UGGT2: variants seen among roughly 807,000 people sequenced by gnomAD.
UGGT2 encodes the protein UDP-glucose:glycoprotein glucosyltransferase 2.
In UGGT2, 180 loss-of-function variants were observed where a neutral mutation model predicts 192.1. The observed-to-expected ratio is 0.94, with a 90% CI of 0.83 to 1.06. The LOEUF (loss-of-function observed/expected upper bound fraction) is 1.06, where lower values mean the gene tolerates loss of function less well. Ranked by LOEUF, UGGT2 falls within the 50% of genes least tolerant of loss-of-function variation. The pLI, the probability that UGGT2 is intolerant of heterozygous loss-of-function variation, is 0.00. For synonymous variants in UGGT2, 580 were observed against 591.0 expected, an observed-to-expected ratio of 0.98 and a Z score of 0.27; for missense variants, 1,849 against 1,795.7, an observed-to-expected ratio of 1.03 and a Z score of -0.54.
chr13:96,051,055 C>G (rs1427404803), intron 1 of UGGT2, among the ~76,000 whole-genome samples: 1 of 152,142 alleles, frequency 6.6e-6, no homozygotes, highest in South Asian at 2.1e-4. Flanking sequence ...CGGCACTATT[C>G]ACAATAGCAA....
At chr13:95,804,290 T>A (rs1223108549) in intron 38 of UGGT2, among the ~76,000 whole-genome samples, 1 of 151,960 alleles carries the variant, frequency 6.6e-6, no homozygotes, top group Admixed American at 6.6e-5. Flanking sequence ...TAACAAAAAA[T>A]TGCTGAGAGA....
chr13:96,019,250 T>C (rs2052443094), intron 4 of UGGT2, among the ~76,000 whole-genome samples: 1 of 151,940 alleles, frequency 6.6e-6, no homozygotes, highest in South Asian at 2.1e-4. Flanking sequence ...GTCAAAGAGC[T>C]TGATTACTTG....
At chr13:95,913,265 C>G (rs965632123) in intron 20 of UGGT2, among the ~76,000 whole-genome samples, 4 of 152,050 alleles carry the variant, frequency 2.6e-5, no homozygotes, top group Non-Finnish European at 4.4e-5. Context: ...AAGAGCTTCT[C>G]CACAGCAAAA....
intron 11 of UGGT2, among the ~76,000 whole-genome samples, chr13:95,971,556 A>G (rs1056370195): frequency 8.5e-5 from 13 of 152,148 alleles, no homozygotes; most frequent in African/African-American, 3.1e-4. Flanking sequence ...TGCCATAAAA[A>G]TTTCCTCATA....
intron 27 of UGGT2, among the ~76,000 whole-genome samples, chr13:95,881,073 C>T (rs1429471666): frequency 6.6e-6 from 1 of 152,092 alleles, no homozygotes; most frequent in East Asian, 1.9e-4. Flanking sequence ...ACTCGGGGGG[C>T]TGGGACAGGA....
At chr13:95,830,723 T>G (rs1440771797) in intron 38 of UGGT2, among the ~76,000 whole-genome samples, 1 of 152,190 alleles carries the variant, frequency 6.6e-6, no homozygotes, top group Non-Finnish European at 1.5e-5. Flanking sequence ...AGTGTGGCGA[T>G]TCCTCAAGGA....
rs779580712 is a variant in UGGT2, at chr13:96,053,364, G to A, written c.-52C>T. 1.4e-5 allele frequency: 22 copies of A among 1,547,334 alleles called. 1 individual carries two copies. In the South Asian group the frequency reaches 2.0e-4, roughly 14 times the overall value. ...TCGGACCCGGTACCCACAGTCTGTGGCCGCCACGCTTCGGCCGGCTCTTCC... is the reference window on the plus strand; with the variant it reads ...TCGGACCCGGTACCCACAGTCTGTGACCGCCACGCTTCGGCCGGCTCTTCC... On this transcript the variant is annotated 5_prime_UTR_variant, in exon 1 of 39. Coordinates refer to ENST00000376747, the MANE Select transcript of UGGT2 (RefSeq NM_020121.4).
intron 1 of UGGT2, among the ~76,000 whole-genome samples, chr13:96,046,951 A>G (rs1263720360): frequency 6.6e-6 from 1 of 152,208 alleles, no homozygotes. Context: ...AGGTTTGAGT[A>G]GGTAAACAAA....
intron 5 of UGGT2, among the ~76,000 whole-genome samples, chr13:96,005,439 T>C (rs1439116439): frequency 4.6e-5 from 7 of 152,202 alleles, no homozygotes; most frequent in Non-Finnish European, 8.8e-5. Flanking sequence ...GCTTCCACTC[T>C]AATGGTGACA....
At chr13:95,830,826 C>G (rs1399097705) in intron 38 of UGGT2, among the ~76,000 whole-genome samples, 1 of 152,186 alleles carries the variant, frequency 6.6e-6, no homozygotes, top group Non-Finnish European at 1.5e-5. Context: ...GACACATGCA[C>G]ACATATGTTT....
intron 29 of UGGT2, among the ~76,000 whole-genome samples, chr13:95,870,250 T>C (rs1594195030): frequency 1.3e-5 from 2 of 152,156 alleles, no homozygotes; most frequent in African/African-American, 4.8e-5. Context: ...GCAGGCAACA[T>C]CCCACCTTTA....
At chr13:95,992,458 T>C (rs995328442) in intron 7 of UGGT2, among the ~76,000 whole-genome samples, 3 of 152,192 alleles carry the variant, frequency 2.0e-5, no homozygotes, top group East Asian at 1.9e-4. Flanking sequence ...CTATTGTAAA[T>C]GGGATTGCCT....
At chr13:95,911,183 G>T (rs1323805329) in intron 20 of UGGT2, among the ~76,000 whole-genome samples, 1 of 152,064 alleles carries the variant, frequency 6.6e-6, no homozygotes, top group Non-Finnish European at 1.5e-5. Flanking sequence ...AAGAACTAGA[G>T]AAGCAAGAGC....
chr13:95,834,741 T>C (rs1325447975), intron 37 of UGGT2, among the ~76,000 whole-genome samples: 3 of 152,138 alleles, frequency 2.0e-5, no homozygotes, highest in Admixed American at 2.0e-4. Flanking sequence ...GAAGTAGCTG[T>C]CCATCCAGGA....
chr13:95,877,923 A>C, intron 27 of UGGT2, 67 bp from the exon 28 acceptor site: 1 of 1,457,154 alleles, frequency 6.9e-7, no homozygotes, highest in Non-Finnish European at 9.2e-7. Context: ...TTTGAAATAA[A>C]TAAATGTGAT....
intron 27 of UGGT2, among the ~76,000 whole-genome samples, chr13:95,879,862 A>C (rs189869805): frequency 5.2e-4 from 79 of 152,266 alleles, no homozygotes; most frequent in African/African-American, 1.8e-3. Context: ...CATAAATTTA[A>C]TACCTTTCAA....
At chr13:95,841,413 G>T (rs1297053418) in intron 36 of UGGT2, among the ~76,000 whole-genome samples, 1 of 152,132 alleles carries the variant, frequency 6.6e-6, no homozygotes, top group Non-Finnish European at 1.5e-5. Context: ...ATTGGGGATG[G>T]TCATCTTCTT....
At chr13:95,801,918 T>A in intron 38 of UGGT2, 106 bp from the exon 39 acceptor site, 1 of 1,329,686 alleles carries the variant, frequency 7.5e-7, no homozygotes, top group Non-Finnish European at 1.1e-6. Context: ...TGAGGATCCT[T>A]TATTTGCTAG....
At chr13:96,007,396 C>T (rs904638610) in intron 5 of UGGT2, among the ~76,000 whole-genome samples, 2 of 152,090 alleles carry the variant, frequency 1.3e-5, no homozygotes, top group Admixed American at 6.5e-5. Context: ...TGGAACAAGA[C>T]AAGAATGCCC....
Sources: allele counts gnomAD v4.1 joint callset (sites outside exome capture counted in the v4.1 genomes callset), GRCh38; gene constraint gnomAD v4.1.1; transcripts MANE v1.5; gene names NCBI Gene and HGNC (gene_info 2026-07-23, HGNC 2026-07-21).